CRACR2B: variants seen among roughly 807,000 people sequenced by gnomAD.
CRACR2B encodes the protein EF-hand calcium-binding domain-containing protein 4A.
A neutral mutation model predicts 46.0 loss-of-function variants in CRACR2B; 50 were observed. The ratio of observed to expected loss-of-function variants is 1.09; its 90% CI spans 0.87 to 1.38. The LOEUF (loss-of-function observed/expected upper bound fraction) is 1.38. CRACR2B is among the 40% of genes most tolerant of loss of function. CRACR2B has a pLI of 0.00. For missense variants in CRACR2B, 667 were observed against 535.0 expected, an observed-to-expected ratio of 1.25 and a Z score of -2.43; for synonymous variants, 277 against 239.6, an observed-to-expected ratio of 1.16 and a Z score of -1.44.
chr11:829,276 C>T (rs1590193022), intron 2 of CRACR2B, 84 bp from the exon 3 acceptor site: 1 of 1,509,340 alleles, frequency 6.6e-7, no homozygotes, highest in Admixed American at 2.5e-5. Flanking sequence ...TGAGAGAGGG[C>T]AGGATACTCG....
At chr11:827,479 C>A (rs1845985659), upstream of CRACR2B, 3 of 942,072 alleles carry the variant, frequency 3.2e-6, no homozygotes, top group African/African-American at 5.3e-5. Context: ...GGGTTGTCCC[C>A]CAGAGTTTCG....
chr11:826,958 C>A (rs1391439477), upstream of CRACR2B, among the ~76,000 whole-genome samples: 1 of 152,180 alleles, frequency 6.6e-6, no homozygotes, highest in Non-Finnish European at 1.5e-5. Flanking sequence ...AAGTCGGGCT[C>A]CCCCCGGACA....
rs759700888 is a variant in CRACR2B at position 828,621 on chromosome 11, G to A, written c.14G>A (p.Gly5Glu). 1 of 1,595,348 alleles carries A rather than the reference G, an allele frequency of 6.3e-7. No individual in the cohort carries two copies. Among genetic ancestry groups the A allele is most frequent in the South Asian group, 1.1e-5 (1 of 88,778 alleles). The change falls in exon 1 of 9, where the codon GGA becomes GAA. Residue 5 changes from glycine to glutamate, a missense_variant. By Grantham distance (98) the Gly-to-Glu change is moderately conservative. Transcript: ENST00000525077. Reference protein sequence around the residue: MASPGKPGADEAQEE... With the variant: MASPEKPGADEAQEE... ...CCCCCTGCTCTCATGGCCAGCCCTGGAAAGCCTGGGGCTGATGAGGCCCAG... is the reference window on the plus strand; with the variant it reads ...CCCCCTGCTCTCATGGCCAGCCCTGAAAAGCCTGGGGCTGATGAGGCCCAG...
intron 2 of CRACR2B, 133 bp from the exon 3 acceptor site, chr11:829,227 T>C (rs779644198): frequency 6.8e-7 from 1 of 1,460,028 alleles, no homozygotes; most frequent in Admixed American, 2.6e-5. Flanking sequence ...TCCAGGCCAA[T>C]AGGACCAGAA....
intron 3 of CRACR2B, 177 bp from the exon 4 acceptor site, chr11:829,809 C>A: frequency 7.8e-7 from 1 of 1,281,178 alleles, no homozygotes; most frequent in Non-Finnish European, 1.0e-6. Flanking sequence ...ACACACACCT[C>A]ACCGACCACG....
At chr11:828,814 A>G in intron 1 of CRACR2B, 38 bp from the exon 2 acceptor site, 1 of 1,611,730 alleles carries the variant, frequency 6.2e-7, no homozygotes, top group African/African-American at 1.3e-5. Context: ...CCCTGGGTTG[A>G]CCGCAGCGGC....
At chr11:829,081 C>T (rs561813688) in intron 2 of CRACR2B, 118 bp downstream of exon 2, 21 of 1,402,352 alleles carry the variant, frequency 1.5e-5, no homozygotes, top group Non-Finnish European at 2.1e-5. Flanking sequence ...CTCCAGGGCC[C>T]GTGCTTTGTC....
chr11:829,511 G>T lies in CRACR2B; in HGVS notation c.429G>T (p.Glu143Asp). The T allele has an allele frequency of 1.2e-6, 2 of 1,600,724 alleles. No homozygotes were observed. Among genetic ancestry groups the T allele is most frequent in the Non-Finnish European group, 1.7e-6 (2 of 1,174,964 alleles). The change falls in exon 3 of 9, where the codon GAG becomes GAT. Residue 143 changes from glutamate (E) to aspartate (D), a missense_variant. Physicochemically the swap from Glu to Asp is conservative, Grantham distance 45 (BLOSUM62 2). Transcript: ENST00000525077. ...EEEERFHTVL[E>D]QLGVAPVLGK... ...AGGAGCGATTCCACACTGTGCTGGAGCAGCTGGGGGTGGCCCCGGTCCTGG... is the reference window on the plus strand; with the variant it reads ...AGGAGCGATTCCACACTGTGCTGGATCAGCTGGGGGTGGCCCCGGTCCTGG...
chr11:831,598 C>A lies in CRACR2B; in HGVS notation c.1089C>A (p.Ser363Arg). ...DACEARRAGS[S>R]CRKALTTARL... Reference sequence around the variant, plus strand: ...GCGAGGCCAGGCGGGCGGGCAGCAGCTGCAGGAAGGCTCTGACAACAGCCC... The same window carrying A: ...GCGAGGCCAGGCGGGCGGGCAGCAGATGCAGGAAGGCTCTGACAACAGCCC... Residue 363 changes from serine (S) to arginine (R), a missense_variant, in exon 9 of 9, where the codon AGC becomes AGA. Physicochemically the swap from Ser to Arg is moderately radical, Grantham distance 110. Transcript: ENST00000525077. The A allele has an allele frequency of 6.3e-7, 1 of 1,585,588 alleles. No homozygotes were observed.
rs1198328157 is a variant in CRACR2B, at chr11:830,070, C to G, written c.543C>G (p.Arg181=). The G allele has an allele frequency of 6.4e-7, 1 of 1,552,918 alleles. No individual in the cohort carries two copies. The highest frequency in any genetic ancestry group is 8.7e-7 in the Non-Finnish European group (1 of 1,154,406). Residue 181 remains arginine, a synonymous_variant, in exon 4 of 9, where the codon CGC becomes CGG. Coordinates refer to ENST00000525077, the MANE Select transcript of CRACR2B (RefSeq NM_001286606.2). ...GCTCTTTCGAGGATGTTCTGATACG[C>G]GCGTCGGCCTGCCTGGAGGAGGCGG... is the stretch of plus-strand genomic sequence containing the variant. ...LLGSFEDVLI[R]ASACLEEAAR...
At chr11:826,879 A>T (rs972003966), upstream of CRACR2B, among the ~76,000 whole-genome samples, 1 of 152,156 alleles carries the variant, frequency 6.6e-6, no homozygotes, top group Non-Finnish European at 1.5e-5. Flanking sequence ...CCACCCCTAG[A>T]GATAACCGCT....
At chr11:831,122 C>T (rs7114218) in intron 7 of CRACR2B, 90 bp downstream of exon 7, 1,083,373 of 1,573,538 alleles carry the variant, frequency 0.69, 378,636 homozygotes, top group East Asian at 0.92. Flanking sequence ...TCATCCCCAT[C>T]TCAAGTCCCA....
In CRACR2B at chr11:828,581, A is replaced by G; in HGVS notation, c.-27A>G. ...CCCTCCCTTGGCTTCACAGCACCTG[A>G]AGGCCAGGCTGAGGCCCCCTGCTCT... On this transcript the variant is annotated 5_prime_UTR_variant, in exon 1 of 9. Coordinates refer to ENST00000525077, the MANE Select transcript of CRACR2B (RefSeq NM_001286606.2). 1 of 1,568,238 alleles carries G rather than the reference A, an allele frequency of 6.4e-7. No individual in the cohort carries two copies. The highest frequency in any genetic ancestry group is 8.6e-7 in the Non-Finnish European group (1 of 1,165,384).
chr11:830,593 A>G, intron 5 of CRACR2B, 28 bp from the exon 6 acceptor site: 1 of 1,547,234 alleles, frequency 6.5e-7, no homozygotes, highest in African/African-American at 1.4e-5. Context: ...CGGCCGGCGG[A>G]GGCTCAGTGG....
intron 2 of CRACR2B, 21 bp downstream of exon 2, chr11:828,984 T>A: frequency 1.9e-6 from 3 of 1,600,540 alleles, no homozygotes; most frequent in Non-Finnish European, 2.5e-6. Context: ...GGCCTGCCTA[T>A]CCCCCACTGC....
rs1042043037 is a variant in CRACR2B, at chr11:828,438, C to T, written c.-170C>T. ...CCAAGCCTGCAGCATTTTCCACCCC[C>T]AGCCCCCTGGTCCCACCTTGCCTTC... On this transcript the variant is annotated 5_prime_UTR_variant, in exon 1 of 9. Transcript: ENST00000525077. The T allele has an allele frequency of 2.7e-6, 2 of 748,476 alleles. No individual in the cohort carries two copies. Among genetic ancestry groups the T allele is most frequent in the Admixed American group, 3.4e-5 (1 of 29,512 alleles). 46.4% of individuals were successfully genotyped at this position (748,476 alleles called of 1,614,324 possible).
upstream of CRACR2B, chr11:827,472 T>C: frequency 1.1e-6 from 1 of 894,042 alleles, no homozygotes; most frequent in Non-Finnish European, 1.3e-6. Context: ...AAGGGCGGGG[T>C]TGTCCCCCAG....
At position 831,000 on chromosome 11, in the gene CRACR2B, C is replaced by G. The variant is rs1256919792; in HGVS notation, c.921C>G (p.Ser307Arg). ...GAQEQIRRLE[S>R]EARGRQEQTQ... is the part of the protein sequence containing the mutation. ...AGGAGCAGATCCGCAGGCTGGAGAG[C>G]GAAGCACGAGGCCGCCAGGAGCAAA... Residue 307 changes from serine (S) to arginine (R), a missense_variant, in exon 7 of 9, where the codon AGC becomes AGG. Coordinates refer to ENST00000525077, the MANE Select transcript of CRACR2B (RefSeq NM_001286606.2). The G allele has an allele frequency of 1.8e-5, 28 of 1,533,784 alleles. No individual in the cohort carries two copies. The highest frequency in any genetic ancestry group is 2.4e-5 in the Non-Finnish European group (27 of 1,146,630).
chr11:828,643 C>T lies in CRACR2B; in HGVS notation c.36C>T (p.Ala12=), dbSNP rs576238806. 6.2e-7 allele frequency: 1 copy of T among 1,606,498 alleles called. No homozygotes were observed. The highest frequency in any genetic ancestry group is 2.2e-5 in the East Asian group (1 of 44,866). Reference sequence around the variant, plus strand: ...CTGGAAAGCCTGGGGCTGATGAGGCCCAGGAGGAGGAGGGGGAACTCGAGG... The same window carrying T: ...CTGGAAAGCCTGGGGCTGATGAGGCTCAGGAGGAGGAGGGGGAACTCGAGG... ...ASPGKPGADE[A]QEEEGELEGG... Residue 12 remains alanine (A), a synonymous_variant, in exon 1 of 9, where the codon GCC becomes GCT. Coordinates refer to ENST00000525077, the MANE Select transcript of CRACR2B (RefSeq NM_001286606.2).
Sources: allele counts gnomAD v4.1 joint callset (sites outside exome capture counted in the v4.1 genomes callset), GRCh38; gene constraint gnomAD v4.1.1; transcripts MANE v1.5; gene names NCBI Gene and HGNC (gene_info 2026-07-23, HGNC 2026-07-21).